NOL4: variants seen among roughly 807,000 people sequenced by gnomAD.
NOL4 encodes nucleolar protein 4.
In NOL4, 17 loss-of-function variants were observed where a neutral mutation model predicts 75.9. The observed-to-expected ratio is 0.22, with a 90% CI of 0.15 to 0.34. The LOEUF (loss-of-function observed/expected upper bound fraction) is 0.34. NOL4 is among the 10% of genes least tolerant of loss of function. The probability of loss-of-function intolerance (pLI) is 1.00; values close to 1 mark genes in which losing one functional copy is unlikely to be tolerated. For missense variants in NOL4, 614 were observed against 793.5 expected, an observed-to-expected ratio of 0.77 and a Z score of 2.72; for synonymous variants, 292 against 289.9, an observed-to-expected ratio of 1.01 and a Z score of -0.07.
chr18:34,118,342 G>A (rs2079961503), intron 2 of NOL4, among the ~76,000 whole-genome samples: 2 of 152,018 alleles, frequency 1.3e-5, no homozygotes, highest in African/African-American at 4.8e-5. Context: ...ATCTCCTAGT[G>A]AAATTTTTTT....
At chr18:34,209,804 G>A (rs1437146342) in intron 1 of NOL4, among the ~76,000 whole-genome samples, 2 of 152,142 alleles carry the variant, frequency 1.3e-5, no homozygotes, top group Non-Finnish European at 2.9e-5. Context: ...ATTAAAAGGG[G>A]TTAAATATTG....
chr18:34,074,324 A>C (rs890724229), intron 5 of NOL4, among the ~76,000 whole-genome samples: 1 of 151,750 alleles, frequency 6.6e-6, no homozygotes, highest in South Asian at 2.1e-4. Context: ...TTTTTGAAAA[A>C]TACAAAAAGT....
intron 9 of NOL4, among the ~76,000 whole-genome samples, chr18:33,939,098 G>A (rs1173395988): frequency 6.6e-6 from 1 of 152,000 alleles, no homozygotes; most frequent in East Asian, 1.9e-4. Context: ...GATGTGTGGT[G>A]TTATTTCTGA....
intron 10 of NOL4, among the ~76,000 whole-genome samples, chr18:33,880,728 C>T (rs1179230567): frequency 6.6e-6 from 1 of 151,978 alleles, no homozygotes; most frequent in African/African-American, 2.4e-5. Flanking sequence ...TCAAAAGCCT[C>T]TTTGAACACG....
At chr18:34,194,426 G>GGGAAGGAA (rs796904055) in intron 1 of NOL4, among the ~76,000 whole-genome samples, 16,718 of 127,636 alleles carry the variant, frequency 0.13, 2,160 homozygotes, top group African/African-American at 0.33. Flanking sequence ...GAGGGAGGGA[G>GGGAAGGAA]GGAAGGAAGG....
chr18:34,122,124 T>C (rs1248508095), intron 2 of NOL4, among the ~76,000 whole-genome samples: 1 of 152,226 alleles, frequency 6.6e-6, no homozygotes, highest in African/African-American at 2.4e-5. Context: ...TGACTCAGTT[T>C]CTTTCAGAAT....
chr18:34,059,382 A>G (rs946649756), intron 5 of NOL4, among the ~76,000 whole-genome samples: 1 of 151,898 alleles, frequency 6.6e-6, no homozygotes, highest in East Asian at 1.9e-4. Flanking sequence ...CATGTCCTGT[A>G]TATGTCTCAT....
At chr18:33,898,338 T>C (rs1221021699) in intron 9 of NOL4, among the ~76,000 whole-genome samples, 2 of 152,210 alleles carry the variant, frequency 1.3e-5, no homozygotes, top group Non-Finnish European at 2.9e-5. Flanking sequence ...TACCTATATG[T>C]AATAGTCACT....
intron 4 of NOL4, among the ~76,000 whole-genome samples, chr18:34,102,479 GTCAT>G (rs2079083650): frequency 6.6e-6 from 1 of 151,840 alleles, no homozygotes; most frequent in African/African-American, 2.4e-5. Flanking sequence ...AATCTAACTA[GTCAT>G]TTATCTAAAT....
chr18:34,050,503 C>T (rs1178010584), intron 5 of NOL4, among the ~76,000 whole-genome samples: 1 of 151,956 alleles, frequency 6.6e-6, no homozygotes, highest in Non-Finnish European at 1.5e-5. Flanking sequence ...TATATATTGT[C>T]TAGCTTCCCC....
chr18:34,036,777 A>C (rs2075918674), intron 5 of NOL4, among the ~76,000 whole-genome samples: 1 of 152,102 alleles, frequency 6.6e-6, no homozygotes, highest in African/African-American at 2.4e-5. Flanking sequence ...TAGAAAAATT[A>C]GATGGGTGTG....
At chr18:34,003,648 C>A (rs1376107825) in intron 6 of NOL4, among the ~76,000 whole-genome samples, 1 of 152,082 alleles carries the variant, frequency 6.6e-6, no homozygotes, top group Non-Finnish European at 1.5e-5. Flanking sequence ...CCTCTCATTA[C>A]TGCCTCACCT....
chr18:34,205,884 C>T (rs1381200565), intron 1 of NOL4, among the ~76,000 whole-genome samples: 1 of 152,074 alleles, frequency 6.6e-6, no homozygotes, highest in African/African-American at 2.4e-5. Flanking sequence ...TAAGCTTCTG[C>T]TTTCACTGAG....
chr18:34,055,835 C>A (rs1457852037), intron 5 of NOL4, among the ~76,000 whole-genome samples: 1 of 151,868 alleles, frequency 6.6e-6, no homozygotes, highest in Non-Finnish European at 1.5e-5. Context: ...TCAATGATTT[C>A]AAATGTCCTG....
intron 6 of NOL4, among the ~76,000 whole-genome samples, chr18:34,005,041 G>A (rs970208705): frequency 7.2e-5 from 11 of 152,160 alleles, no homozygotes; most frequent in Middle Eastern, 3.4e-3. Context: ...TTGAGATACC[G>A]TGTTAAAATA....
chr18:34,006,380 A>G (rs2074027437), intron 6 of NOL4, among the ~76,000 whole-genome samples: 1 of 152,048 alleles, frequency 6.6e-6, no homozygotes, highest in African/African-American at 2.4e-5. Flanking sequence ...ATTGGTAAAC[A>G]GAGTAAAAAA....
intron 1 of NOL4, among the ~76,000 whole-genome samples, chr18:34,216,831 T>A (rs1202825377): frequency 6.6e-6 from 1 of 151,970 alleles, no homozygotes; most frequent in Non-Finnish European, 1.5e-5. Flanking sequence ...TCCATTAACT[T>A]CAGGAATAAA....
chr18:33,985,537 C>T (rs373528257), intron 6 of NOL4, among the ~76,000 whole-genome samples: 47 of 152,170 alleles, frequency 3.1e-4, no homozygotes, highest in African/African-American at 1.0e-3. Context: ...TTTATTATCA[C>T]GGTTAGACCT....
At chr18:33,987,493 C>A (rs575055035) in intron 6 of NOL4, among the ~76,000 whole-genome samples, 3 of 152,008 alleles carry the variant, frequency 2.0e-5, no homozygotes, top group Non-Finnish European at 4.4e-5. Context: ...TGAGGCAAAG[C>A]CTGTTTTTGT....
Sources: gnomAD v4.1 joint callset for allele counts (sites outside exome capture counted in the v4.1 genomes callset) on GRCh38, gnomAD v4.1.1 for gene constraint, MANE v1.5 for transcripts, NCBI Gene and HGNC (gene_info 2026-07-23, HGNC 2026-07-21) for gene names.